KCNN1: variants seen among roughly 807,000 people sequenced by gnomAD.
The protein encoded by KCNN1 is small conductance calcium-activated potassium channel protein 1.
Under a neutral mutation model 44.7 loss-of-function variants are expected in KCNN1, and 20 were observed. The observed-to-expected ratio is 0.45, with a 90% CI of 0.32 to 0.65. The LOEUF (loss-of-function observed/expected upper bound fraction) is 0.65. Ranked by LOEUF, KCNN1 falls within the 30% of genes least tolerant of loss-of-function variation. The pLI is 0.05. For missense variants in KCNN1, 632 were observed against 785.3 expected, an observed-to-expected ratio of 0.80 and a Z score of 2.33; for synonymous variants, 324 against 341.7, an observed-to-expected ratio of 0.95 and a Z score of 0.57.
chr19:17,965,907 C>T (rs2031790827), upstream of KCNN1, among the ~76,000 whole-genome samples: 1 of 152,056 alleles, frequency 6.6e-6, no homozygotes, highest in Non-Finnish European at 1.5e-5. Flanking sequence ...GGGGAGGGAA[C>T]AAAGGTCCTG....
chr19:17,993,425 C>T lies in KCNN1; in HGVS notation c.1308-65C>T. On this transcript the variant is annotated intron_variant, in intron 8 of 9. Coordinates refer to ENST00000684775, the MANE Select transcript of KCNN1 (RefSeq NM_001386974.1). The surrounding 1 kb of genome is among the most constrained non-coding windows in gnomAD (Gnocchi z 4.5). Reference sequence around the variant, plus strand: ...ACCCCGGGTGGGTGCATGAAAGTCCCTGCCCCCACTGCAGCCTCCACGGGA... The same window carrying T: ...ACCCCGGGTGGGTGCATGAAAGTCCTTGCCCCCACTGCAGCCTCCACGGGA... The T allele has an allele frequency of 1.6e-6, 2 of 1,237,450 alleles. No homozygotes were observed. 76.7% of individuals were successfully genotyped at this position (1,237,450 alleles called of 1,614,324 possible).
intron 1 of KCNN1, 100 bp from the exon 2 acceptor site, chr19:17,973,708 C>T (rs2032101627): frequency 2.3e-5 from 31 of 1,370,412 alleles, no homozygotes; most frequent in Admixed American, 9.2e-5. Flanking sequence ...CTCTGGGCCA[C>T]TCCCAAACTT....
chr19:17,986,931 T>C (rs2032619192), intron 5 of KCNN1, among the ~76,000 whole-genome samples: 1 of 152,070 alleles, frequency 6.6e-6, no homozygotes, highest in South Asian at 2.1e-4. Context: ...CTCAGCTTCC[T>C]GAGTAGCTGG....
rs1012293888 is a variant in KCNN1 at position 17,998,356 on chromosome 19, C to T, written c.1582C>T (p.Arg528Trp). ...CCCCGGCCCCCAAGACCAGGCAGCC[C>T]GGAGCTCCCCCTGCCGGTGGACGCC... ...PGPGPQDQAA[R>W]SSPCRWTPVA... The change falls in exon 10 of 10, where the codon CGG becomes TGG. Residue 528 changes from arginine (R) to tryptophan (W), a missense_variant. Coordinates refer to ENST00000684775, the MANE Select transcript of KCNN1 (RefSeq NM_001386974.1). This position sits in a 1 kb window ranked among gnomAD's most constrained non-coding sequence, Gnocchi z 5.4. 7.9e-6 allele frequency: 12 copies of T among 1,512,578 alleles called. No homozygotes were observed. The highest frequency in any genetic ancestry group is 6.2e-5 in the Admixed American group (3 of 48,712). 93.7% of individuals were successfully genotyped at this position (1,512,578 alleles called of 1,614,324 possible).
intron 1 of KCNN1, 67 bp downstream of exon 1, chr19:17,967,384 G>T (rs891965830): frequency 1.1e-5 from 10 of 882,398 alleles, no homozygotes; most frequent in African/African-American, 1.8e-5. Context: ...CCCGAGGAGG[G>T]AGGCACGTCT....
At chr19:17,988,879 C>T (rs950113382) in intron 6 of KCNN1, among the ~76,000 whole-genome samples, 6 of 150,878 alleles carry the variant, frequency 4.0e-5, no homozygotes, top group African/African-American at 1.5e-4. Flanking sequence ...CCACTGCACT[C>T]GAACCTGGGT....
intron 7 of KCNN1, 124 bp downstream of exon 7, chr19:17,989,967 G>A (rs952646071): frequency 7.2e-7 from 1 of 1,390,956 alleles, no homozygotes; most frequent in Non-Finnish European, 1.0e-6. Context: ...GTTGGGGCCT[G>A]CATCTTCTGA....
chr19:17,979,171 C>T (rs1313066571), intron 3 of KCNN1, among the ~76,000 whole-genome samples: 3 of 148,422 alleles, frequency 2.0e-5, no homozygotes, highest in Admixed American at 1.3e-4. Flanking sequence ...GCCGGGCTCA[C>T]GACTGTAATC....
rs1273971124 is a variant in KCNN1, at chr19:17,974,786, G to T, written c.403-306G>T. ...CTGTGAAGTGCTGTGCCCAAGTGAG[G>T]CCAGGCCTCATAAACTGTGAAGCAC... On this transcript the variant is annotated intron_variant, in intron 2 of 9. Coordinates refer to ENST00000684775, the MANE Select transcript of KCNN1 (RefSeq NM_001386974.1). This position sits in a 1 kb window ranked among gnomAD's most constrained non-coding sequence, Gnocchi z 7.3. 6.6e-6 allele frequency among the ~76,000 whole-genome samples: 1 copy of T among 152,216 alleles called. No individual in the cohort carries two copies. Among genetic ancestry groups the T allele is most frequent in the African/African-American group, 2.4e-5 (1 of 41,464 alleles).
chr19:17,990,152 A>G, intron 7 of KCNN1: 3 of 519,132 alleles, frequency 5.8e-6, no homozygotes, highest in Non-Finnish European at 1.1e-5. Context: ...CAGGAGGCTC[A>G]TAGTTAAATC....
upstream of KCNN1, among the ~76,000 whole-genome samples, chr19:17,966,307 G>A (rs1265317538): frequency 6.6e-6 from 1 of 152,210 alleles, no homozygotes; most frequent in Admixed American, 6.5e-5. Context: ...GTGGGAACAG[G>A]GTGAGGCAGA....
intron 1 of KCNN1, among the ~76,000 whole-genome samples, chr19:17,969,773 C>T (rs964904105): frequency 1.3e-5 from 2 of 152,228 alleles, no homozygotes; most frequent in Non-Finnish European, 2.9e-5. Flanking sequence ...TCCCTGTGCC[C>T]CCCATCCCCA....
Position 17,988,544 on chromosome 19 carries a change from A to G in KCNN1, c.1170+19A>G. 2 of 1,576,676 alleles carry G rather than the reference A, an allele frequency of 1.3e-6. No homozygotes were observed. The highest frequency in any genetic ancestry group is 1.7e-5 in the Admixed American group (1 of 59,198). On this transcript the variant is annotated intron_variant, in intron 6 of 9. Coordinates refer to ENST00000684775, the MANE Select transcript of KCNN1 (RefSeq NM_001386974.1). ...CAAGCGGGTGAGGACCGCGGTTCCC[A>G]TGGAGGCCGCCTCCTGGCCTTGTCA...
chr19:17,976,800 C>T (rs554851475), intron 3 of KCNN1, among the ~76,000 whole-genome samples: 22 of 151,094 alleles, frequency 1.5e-4, no homozygotes, highest in Non-Finnish European at 2.8e-4. Flanking sequence ...ACTGCAACCT[C>T]CGCCTCCCAG....
At position 17,955,820 on chromosome 19, in the gene KCNN1, G is replaced by A. The variant is rs771799471; in HGVS notation, c.-82+1139G>A. ...CCCCACACACAGCCTCTACTTCCCG[G>A]CTCTCGTGGTCTCGCTGGAGACAGC... On this transcript the variant is annotated intron_variant, in intron 2 of 10. Coordinates refer to the KCNN1 transcript ENST00000222249. Among the ~76,000 whole-genome samples the A allele has an allele frequency of 6.8e-5, 10 of 146,720 alleles. No individual in the cohort carries two copies. In the South Asian group the frequency reaches 8.9e-4, roughly 13 times the overall value.
chr19:17,988,566 G>C (rs943146638), intron 6 of KCNN1, 41 bp downstream of exon 6: 1 of 1,440,800 alleles, frequency 6.9e-7, no homozygotes, highest in African/African-American at 1.4e-5. Context: ...TCCTGGCCTT[G>C]TCAGCGAGCG....
upstream of KCNN1, among the ~76,000 whole-genome samples, chr19:17,963,850 C>T (rs1049055658): frequency 2.6e-5 from 4 of 152,058 alleles, no homozygotes; most frequent in African/African-American, 7.2e-5. Context: ...CTCAGCCGCC[C>T]GAAGGAGCTG....
At chr19:17,966,023 G>GCCTGCCTT (rs1369774115), upstream of KCNN1, among the ~76,000 whole-genome samples, 30 of 119,702 alleles carry the variant, frequency 2.5e-4, no homozygotes, top group East Asian at 7.4e-4. Flanking sequence ...CTGCCTGCCT[G>GCCTGCCTT]CCTTCCTTCC....
chr19:17,961,847 C>A (rs1440261939), intron 2 of KCNN1, among the ~76,000 whole-genome samples: 1 of 152,130 alleles, frequency 6.6e-6, no homozygotes, highest in East Asian at 1.9e-4. Context: ...CCTCGGCCTC[C>A]CAAAGTGCTG....
Sources: allele counts gnomAD v4.1 joint callset (sites outside exome capture counted in the v4.1 genomes callset), GRCh38; gene constraint gnomAD v4.1.1; non-coding constraint Gnocchi (gnomAD v3.1); transcripts MANE v1.5; gene names NCBI Gene and HGNC (gene_info 2026-07-23, HGNC 2026-07-21).